NELL2: variants seen among roughly 807,000 people sequenced by gnomAD.
NELL2 encodes the protein neural EGFL like 2.
Under a neutral mutation model 109.6 loss-of-function variants are expected in NELL2, and 41 were observed. That is an observed-to-expected ratio of 0.37 (90% CI 0.29 to 0.49). The LOEUF is 0.49. Ranked by LOEUF, NELL2 falls within the 20% of genes least tolerant of loss-of-function variation. The pLI is 0.98. For synonymous variants in NELL2, 355 were observed against 344.7 expected, an observed-to-expected ratio of 1.03 and a Z score of -0.33; for missense variants, 900 against 1,008.3, an observed-to-expected ratio of 0.89 and a Z score of 1.45.
At chr12:44,650,665 G>A (rs943581987) in intron 13 of NELL2, among the ~76,000 whole-genome samples, 9 of 152,254 alleles carry the variant, frequency 5.9e-5, no homozygotes, top group African/African-American at 1.9e-4. Flanking sequence ...CTTTCAGGAA[G>A]TAATTAAGGT....
At chr12:44,613,669 C>T (rs1031124828) in intron 13 of NELL2, among the ~76,000 whole-genome samples, 5 of 151,656 alleles carry the variant, frequency 3.3e-5, no homozygotes, top group African/African-American at 1.2e-4. Context: ...AATTTATGAA[C>T]TAATGTAAAC....
At position 44,679,972 on chromosome 12, in the gene NELL2, GAACA is replaced by G. The variant is rs758108778; in HGVS notation, c.1319-14367_1319-14364del. On this transcript the variant is annotated intron_variant, in intron 12 of 19. Transcript: ENST00000429094. Reference sequence around the variant, plus strand: ...TGAATCCAACTTGCTTGAAATTAAAGAACAGACAGTCTCATTTAAATGATTGTCT... The same window carrying G: ...TGAATCCAACTTGCTTGAAATTAAAGGACAGTCTCATTTAAATGATTGTCT... 1.9e-4 allele frequency among the ~76,000 whole-genome samples: 29 copies of G among 152,244 alleles called. 1 individual carries two copies. Among genetic ancestry groups the G allele is most frequent in the Admixed American group, 6.5e-4 (10 of 15,270 alleles).
At chr12:44,541,163 A>G (rs1942544131) in intron 15 of NELL2, among the ~76,000 whole-genome samples, 1 of 145,274 alleles carries the variant, frequency 6.9e-6, no homozygotes, top group African/African-American at 2.5e-5. Flanking sequence ...AGGCAGGAGA[A>G]TGGTGTGAAC....
At chr12:44,621,968 A>G (rs1450560989) in intron 13 of NELL2, among the ~76,000 whole-genome samples, 1 of 152,010 alleles carries the variant, frequency 6.6e-6, no homozygotes, top group African/African-American at 2.4e-5. Flanking sequence ...GCTGTCAGGG[A>G]TTGTTAATTC....
intron 15 of NELL2, among the ~76,000 whole-genome samples, chr12:44,540,725 A>G: frequency 6.7e-6 from 1 of 149,848 alleles, no homozygotes; most frequent in Non-Finnish European, 1.5e-5. Context: ...GTCTTTAGAT[A>G]TCTTGAAGTA....
chr12:44,910,756 A>G (rs7302935), intron 1 of NELL2, among the ~76,000 whole-genome samples: 14,413 of 151,980 alleles, frequency 0.095, 867 homozygotes, highest in East Asian at 0.17. Context: ...GTACATATAT[A>G]TGTGGAATAC....
intron 12 of NELL2, among the ~76,000 whole-genome samples, chr12:44,674,495 G>A (rs775999302): frequency 2.0e-5 from 3 of 152,080 alleles, no homozygotes; most frequent in Non-Finnish European, 4.4e-5. Context: ...TGCAGAAGGA[G>A]CAAAAACATG....
At chr12:44,865,640 A>C (rs1219329601) in intron 2 of NELL2, among the ~76,000 whole-genome samples, 2 of 89,204 alleles carry the variant, frequency 2.2e-5, no homozygotes, top group Non-Finnish European at 2.2e-5. Context: ...AAGAAGGGGA[A>C]TATCACACTC....
At chr12:44,649,178 C>A (rs1413315761) in intron 13 of NELL2, among the ~76,000 whole-genome samples, 1 of 151,938 alleles carries the variant, frequency 6.6e-6, no homozygotes, top group Non-Finnish European at 1.5e-5. Flanking sequence ...GTAGATCCTT[C>A]CTTATTTTTC....
chr12:44,648,900 T>TTGTGTGTGTGTG (rs563769057), intron 13 of NELL2, among the ~76,000 whole-genome samples: 8,460 of 107,002 alleles, frequency 0.079, 464 homozygotes, highest in Middle Eastern at 0.11. Context: ...CACGCCCAGC[T>TTGTGTGTGTGTG]TGTGTGTGTG....
upstream of NELL2, among the ~76,000 whole-genome samples, chr12:44,880,117 AC>A: frequency 7.5e-6 from 1 of 132,984 alleles, no homozygotes; most frequent in African/African-American, 2.7e-5. Context: ...AGAAACATAC[AC>A]ACACACACAC....
At chr12:44,726,779 T>C (rs1213124787) in intron 9 of NELL2, among the ~76,000 whole-genome samples, 1 of 152,174 alleles carries the variant, frequency 6.6e-6, no homozygotes, top group East Asian at 1.9e-4. Flanking sequence ...TCATTCAACT[T>C]AATTTGTATA....
At chr12:44,720,554 A>G (rs113840654) in intron 9 of NELL2, among the ~76,000 whole-genome samples, 3 of 152,208 alleles carry the variant, frequency 2.0e-5, no homozygotes, top group African/African-American at 7.2e-5. Flanking sequence ...CATAGCAGTA[A>G]CTTACTAACA....
chr12:44,741,480 G>A (rs763769406), intron 9 of NELL2, among the ~76,000 whole-genome samples: 86 of 152,190 alleles, frequency 5.7e-4, no homozygotes, highest in Non-Finnish European at 1.1e-3. Context: ...GCAGTGCACC[G>A]GGCGTGAGCC....
chr12:44,520,403 C>T (rs1941475544), intron 18 of NELL2, among the ~76,000 whole-genome samples, 174 bp from the exon 19 acceptor site: 1 of 152,266 alleles, frequency 6.6e-6, no homozygotes, highest in African/African-American at 2.4e-5. Context: ...CACAAAAGCC[C>T]TATCAGAATG....
chr12:44,752,871 T>C (rs1940714005), intron 9 of NELL2, among the ~76,000 whole-genome samples: 1 of 151,632 alleles, frequency 6.6e-6, no homozygotes, highest in African/African-American at 2.4e-5. Context: ...TCACTGCCAC[T>C]GCCTAGGCCT....
intron 15 of NELL2, among the ~76,000 whole-genome samples, chr12:44,598,163 CA>C (rs10538007): frequency 0.19 from 23,170 of 122,490 alleles, 1,663 homozygotes; most frequent in African/African-American, 0.22. Context: ...TTTATTCTCT[CA>C]AAAAAAAAAA....
rs111551490 is a variant in NELL2, at chr12:44,622,268, T to C, written c.1445-11298A>G. Among the ~76,000 whole-genome samples the C allele has an allele frequency of 2.8e-3, 421 of 152,292 alleles. 1 individual carries two copies. The Middle Eastern group carries it at 0.031, about 11-fold the overall frequency. ...TGCTTAAGAAATCATGATGCTTAAC[T>C]TCACCAATGCAAAAGTTCAACCTTG... On this transcript the variant is annotated intron_variant, in intron 13 of 19. Coordinates refer to ENST00000429094, the MANE Select transcript of NELL2 (RefSeq NM_001145108.2).
rs117061814 is a variant in NELL2, at chr12:44,667,254, C to A, written c.1319-1645G>T. 8.0e-3 allele frequency among the ~76,000 whole-genome samples: 1,221 copies of A among 152,242 alleles called. 7 individuals are homozygous for A. Among genetic ancestry groups the A allele is most frequent in the Middle Eastern group, 0.014 (4 of 294 alleles). On this transcript the variant is annotated intron_variant, in intron 12 of 19. Coordinates refer to ENST00000429094, the MANE Select transcript of NELL2 (RefSeq NM_001145108.2). The stretch of plus-strand genomic sequence containing the variant: ...AAACAAAAACAAAAAAACACTAGTT[C>A]TTGGGCCAATTGCCAAAAACCCATT...
Sources: gnomAD v4.1 joint callset for allele counts (sites outside exome capture counted in the v4.1 genomes callset) on GRCh38, gnomAD v4.1.1 for gene constraint, MANE v1.5 for transcripts, NCBI Gene and HGNC (gene_info 2026-07-23, HGNC 2026-07-21) for gene names.